The following RFX8 variants were observed in gnomAD, a reference collection of about 807,000 sequenced individuals.
The protein encoded by RFX8 is DNA-binding protein RFX8.
Under a neutral mutation model 54.6 loss-of-function variants are expected in RFX8, and 46 were observed. The observed-to-expected ratio is 0.84, with a 90% CI of 0.67 to 1.08. The LOEUF (loss-of-function observed/expected upper bound fraction) is 1.08. RFX8 is among the 50% of genes least tolerant of loss of function. RFX8 has a pLI of 0.00. For synonymous variants in RFX8, 192 were observed against 209.5 expected (o/e 0.92, Z 0.72); for missense variants, 536 against 562.3 (o/e 0.95, Z 0.47).
At chr2:101,434,884 G>C (rs978714006) in intron 2 of RFX8, 1 of 152,430 alleles carries the variant, frequency 6.6e-6, no homozygotes, top group African/African-American at 2.4e-5. Flanking sequence ...TTGTTGGGGG[G>C]CCCTGGCCCC....
At chr2:101,464,078 G>C (rs1689434640) in intron 2 of RFX8, among the ~76,000 whole-genome samples, 1 of 152,188 alleles carries the variant, frequency 6.6e-6, no homozygotes, top group South Asian at 2.1e-4. Flanking sequence ...TTCAGACACA[G>C]AACAGGAAGA....
chr2:101,403,606 G>A (rs577314003), intron 10 of RFX8, among the ~76,000 whole-genome samples: 10 of 152,236 alleles, frequency 6.6e-5, no homozygotes, highest in Non-Finnish European at 8.8e-5. Flanking sequence ...CTAACAAGGC[G>A]AAACCTTGTC....
intron 2 of RFX8, among the ~76,000 whole-genome samples, chr2:101,440,097 T>C (rs1052569119): frequency 6.3e-5 from 6 of 95,842 alleles, no homozygotes; most frequent in African/African-American, 2.0e-4. Flanking sequence ...AAGAAAATCT[T>C]GCTGAGATTT....
intron 2 of RFX8, among the ~76,000 whole-genome samples, chr2:101,454,207 T>G (rs1320157879): frequency 6.6e-6 from 1 of 152,166 alleles, no homozygotes; most frequent in East Asian, 1.9e-4. Flanking sequence ...ATCATCCATG[T>G]CCCTGCAAAG....
At chr2:101,414,559 C>A (rs1352822391) in intron 7 of RFX8, among the ~76,000 whole-genome samples, 4 of 151,972 alleles carry the variant, frequency 2.6e-5, no homozygotes, top group Admixed American at 2.0e-4. Context: ...CAGGTACGAG[C>A]CCCCCACGCC....
intron 9 of RFX8, among the ~76,000 whole-genome samples, chr2:101,407,302 G>A (rs1685795317): frequency 6.6e-6 from 1 of 152,204 alleles, no homozygotes; most frequent in South Asian, 2.1e-4. Flanking sequence ...CTCCTCCTCA[G>A]TGCTCCTCAC....
chr2:101,464,693 C>A (rs1344955663), intron 2 of RFX8, among the ~76,000 whole-genome samples: 2 of 152,132 alleles, frequency 1.3e-5, no homozygotes, highest in Non-Finnish European at 2.9e-5. Flanking sequence ...TTGAGGAATT[C>A]TAAAGGAATC....
chr2:101,401,064 C>T (rs1216782868), intron 11 of RFX8, among the ~76,000 whole-genome samples: 2 of 152,214 alleles, frequency 1.3e-5, no homozygotes, highest in African/African-American at 4.8e-5. Context: ...CTGCATCCTT[C>T]ATCGACCATG....
At chr2:101,447,884 A>G (rs1373171607) in intron 2 of RFX8, among the ~76,000 whole-genome samples, 1 of 152,184 alleles carries the variant, frequency 6.6e-6, no homozygotes, top group East Asian at 1.9e-4. Flanking sequence ...TGTCTGGCTT[A>G]TTTAACTTAA....
chr2:101,408,482 C>CAA (rs70943080), intron 9 of RFX8, among the ~76,000 whole-genome samples: 36 of 136,476 alleles, frequency 2.6e-4, no homozygotes, highest in African/African-American at 8.1e-4. Flanking sequence ...GACTCCGTCT[C>CAA]AAAAAAAAAA....
Position 101,421,718 on chromosome 2 carries a change from C to T in RFX8, c.237+6G>A, listed in dbSNP as rs1461060640. The T allele has an allele frequency of 6.5e-7, 1 of 1,550,208 alleles. No individual in the cohort carries two copies. The highest frequency in any genetic ancestry group is 2.0e-5 in the Admixed American group (1 of 50,642). On this transcript the variant is annotated splice_donor_region_variant and intron_variant, in intron 4 of 11. Coordinates refer to ENST00000428343, the MANE Select transcript of RFX8 (RefSeq NM_001145664.2). ...ACCCTACCCTCTCAAGTTCTCAGTT[C>T]CTCACATTTCGTAAAATGTCTCGAC... is the stretch of plus-strand genomic sequence containing the variant.
chr2:101,456,728 T>A (rs1030065266), intron 2 of RFX8, among the ~76,000 whole-genome samples: 8 of 152,198 alleles, frequency 5.3e-5, no homozygotes, highest in African/African-American at 1.7e-4. Flanking sequence ...GATGGCCTCA[T>A]AAAATGAGTT....
In RFX8 at chr2:101,466,167, A is replaced by T. The variant is rs185584811; in HGVS notation, c.72+610T>A. On this transcript the variant is annotated intron_variant, in intron 2 of 11. Coordinates refer to ENST00000428343, the MANE Select transcript of RFX8 (RefSeq NM_001145664.2). ...ATCCCTTGATGTCACTCAGCCATGC[A>T]CCCCCTGACACTGCAAGTTCACTCC... 4.6e-5 allele frequency among the ~76,000 whole-genome samples: 7 copies of T among 152,174 alleles called. No homozygotes were observed. In the East Asian group the frequency reaches 1.4e-3, roughly 29 times the overall value.
At chr2:101,468,958 CAGCATATATATATATGTA>C (rs1442000586) in intron 1 of RFX8, among the ~76,000 whole-genome samples, 1 of 137,370 alleles carries the variant, frequency 7.3e-6, no homozygotes, top group East Asian at 2.1e-4. Flanking sequence ...TATATATAGC[CAGCATATATATATATGTA>C]AGTATATATA....
At chr2:101,435,724 G>A (rs546508847) in intron 2 of RFX8, among the ~76,000 whole-genome samples, 81 of 152,146 alleles carry the variant, frequency 5.3e-4, no homozygotes, top group Non-Finnish European at 8.1e-4. Context: ...AATCTGGGGA[G>A]GCCATTCTGC....
At chr2:101,406,109 G>A (rs1043472071) in intron 9 of RFX8, 52 bp from the exon 10 acceptor site, 4 of 1,052,812 alleles carry the variant, frequency 3.8e-6, no homozygotes, top group Non-Finnish European at 5.6e-6. Flanking sequence ...AAATCAAGAA[G>A]CATAGTATGT....
chr2:101,418,102 G>A (rs1686642183), intron 5 of RFX8, among the ~76,000 whole-genome samples: 1 of 151,982 alleles, frequency 6.6e-6, no homozygotes, highest in Non-Finnish European at 1.5e-5. Flanking sequence ...ATCTTGGCCA[G>A]GCTGGTCTCG....
At chr2:101,461,474 G>A (rs187054470) in intron 2 of RFX8, among the ~76,000 whole-genome samples, 4 of 152,168 alleles carry the variant, frequency 2.6e-5, no homozygotes, top group East Asian at 1.9e-4. Flanking sequence ...CCAGATGCAC[G>A]TCTTAAGTAC....
chr2:101,467,004 T>C, intron 1 of RFX8, 104 bp from the exon 2 acceptor site: 4 of 644,916 alleles, frequency 6.2e-6, no homozygotes, highest in Non-Finnish European at 1.1e-5. Flanking sequence ...TTCCAATAAA[T>C]GAAACATGTC....
Sources: allele counts gnomAD v4.1 joint callset (sites outside exome capture counted in the v4.1 genomes callset), GRCh38; gene constraint gnomAD v4.1.1; transcripts MANE v1.5; gene names NCBI Gene and HGNC (gene_info 2026-07-23, HGNC 2026-07-21).